The following MCUB variants were observed in gnomAD, a reference collection of about 807,000 sequenced individuals.
MCUB encodes the protein calcium uniporter regulatory subunit MCUb, mitochondrial.
Under a neutral mutation model 41.4 loss-of-function variants are expected in MCUB, and 46 were observed. That is an observed-to-expected ratio of 1.11 (90% confidence interval 0.88 to 1.42). The LOEUF (loss-of-function observed/expected upper bound fraction) is 1.42. Among genes scored for constraint, MCUB ranks in the 40% most tolerant of loss-of-function variants. MCUB has a pLI of 0.00. For missense variants in MCUB, 403 were observed against 404.9 expected, an observed-to-expected ratio of 1.00 and a Z score of 0.04; for synonymous variants, 148 against 148.2, an observed-to-expected ratio of 1.00 and a Z score of 0.01.
At chr4:109,600,471 A>G (rs1237619605) in intron 1 of MCUB, among the ~76,000 whole-genome samples, 2 of 152,082 alleles carry the variant, frequency 1.3e-5, no homozygotes, top group Admixed American at 6.6e-5. Flanking sequence ...CTGCTTTTCT[A>G]TTTTATTACA....
intron 1 of MCUB, among the ~76,000 whole-genome samples, chr4:109,623,854 T>C (rs1024168038): frequency 3.9e-5 from 6 of 152,272 alleles, no homozygotes; most frequent in Middle Eastern, 3.4e-3. Context: ...CAAGATCTTT[T>C]ATTTTTATTT....
At chr4:109,685,011 T>G in intron 6 of MCUB, 1 of 404,940 alleles carries the variant, frequency 2.5e-6, no homozygotes. Flanking sequence ...TTCTTCCTTC[T>G]TCTTTCCCAT....
chr4:109,646,866 T>C (rs182183340), intron 1 of MCUB, among the ~76,000 whole-genome samples: 1 of 152,342 alleles, frequency 6.6e-6, no homozygotes, highest in East Asian at 1.9e-4. Context: ...TTACCAACTA[T>C]GAAGCAAACA....
At chr4:109,570,217 T>C (rs889644232) in intron 1 of MCUB, among the ~76,000 whole-genome samples, 41 of 152,340 alleles carry the variant, frequency 2.7e-4, no homozygotes, top group African/African-American at 9.6e-4. Context: ...TTTTATGTAT[T>C]GAGCTTACCA....
intron 1 of MCUB, among the ~76,000 whole-genome samples, chr4:109,638,319 T>TG (rs1040172613): frequency 1.3e-5 from 2 of 151,788 alleles, no homozygotes; most frequent in African/African-American, 4.8e-5. Flanking sequence ...ATCATGCCAG[T>TG]GCACTCCAGC....
intron 6 of MCUB, chr4:109,685,002 T>C (rs1729805151): frequency 2.5e-6 from 1 of 398,280 alleles, no homozygotes; most frequent in Non-Finnish European, 4.4e-6. Flanking sequence ...TTTTCTTATT[T>C]CTTCCTTCTT....
intron 1 of MCUB, among the ~76,000 whole-genome samples, chr4:109,628,003 A>G (rs546287104): frequency 1.3e-5 from 2 of 152,172 alleles, no homozygotes; most frequent in Non-Finnish European, 2.9e-5. Context: ...CATATAAGTC[A>G]TTTGTTTTCA....
chr4:109,648,510 T>G lies in MCUB; in HGVS notation c.100-10501T>G, dbSNP rs1396334112. The stretch of plus-strand genomic sequence containing the variant: ...CATTTTGTGGATTAACTACTCGTCT[T>G]GGGCTGTCCAGACCAGAAGAAGAAA... On this transcript the variant is annotated intron_variant, in intron 1 of 7. Transcript: ENST00000394650. The G allele has an allele frequency of 2.2e-5, 8 of 363,076 alleles. No individual in the cohort carries two copies. In the Admixed American group the frequency reaches 3.4e-4, roughly 15 times the overall value. The allele number at this position is 363,076 out of a possible 1,614,324, so 22.5% of individuals were successfully genotyped here. A position where few individuals can be genotyped will look rare whatever the true frequency, so the allele number is the denominator to read the frequency against.
At chr4:109,631,253 C>T (rs1728468913) in intron 1 of MCUB, among the ~76,000 whole-genome samples, 1 of 152,156 alleles carries the variant, frequency 6.6e-6, no homozygotes, top group East Asian at 1.9e-4. Context: ...TACACACGGG[C>T]ACTTGATTTG....
intron 1 of MCUB, among the ~76,000 whole-genome samples, chr4:109,635,902 CTTTG>C (rs989473192): frequency 1.5e-4 from 21 of 142,716 alleles, no homozygotes; most frequent in African/African-American, 4.7e-4. Context: ...CAGCTCTAAA[CTTTG>C]TTTGTCTTTT....
chr4:109,627,460 A>G (rs550452457), intron 1 of MCUB, among the ~76,000 whole-genome samples: 43 of 152,226 alleles, frequency 2.8e-4, no homozygotes, highest in Non-Finnish European at 4.3e-4. Context: ...CTGTGCTCCC[A>G]TAGCAGTTTT....
intron 1 of MCUB, among the ~76,000 whole-genome samples, chr4:109,580,055 A>C (rs1727133294): frequency 6.6e-6 from 1 of 151,978 alleles, no homozygotes; most frequent in Non-Finnish European, 1.5e-5. Context: ...ACAGGCCCCA[A>C]GGTGTGGTGT....
intron 1 of MCUB, among the ~76,000 whole-genome samples, chr4:109,603,857 TGCCCGGCC>T (rs1178303740): frequency 1.3e-5 from 2 of 152,214 alleles, no homozygotes; most frequent in Admixed American, 6.5e-5. Flanking sequence ...GGAGCCTCTC[TGCCCGGCC>T]GCCACCCCGT....
chr4:109,653,469 C>G (rs1729009715), intron 1 of MCUB, among the ~76,000 whole-genome samples: 1 of 151,886 alleles, frequency 6.6e-6, no homozygotes, highest in South Asian at 2.1e-4. Flanking sequence ...GAATTAGTTG[C>G]TTTTTGTATT....
chr4:109,573,400 C>T (rs995045339), intron 1 of MCUB, among the ~76,000 whole-genome samples: 7 of 149,762 alleles, frequency 4.7e-5, no homozygotes, highest in African/African-American at 1.2e-4. Flanking sequence ...TTGCAATGAG[C>T]GGAGATCGCG....
chr4:109,652,587 C>G (rs6825095), intron 1 of MCUB, among the ~76,000 whole-genome samples: 106,958 of 152,000 alleles, frequency 0.7, 38,300 homozygotes, highest in African/African-American at 0.83. Flanking sequence ...GGGCAAGAGG[C>G]GGAGAGAGAA....
At chr4:109,673,943 T>C (rs1729515844) in intron 4 of MCUB, 2 of 794,890 alleles carry the variant, frequency 2.5e-6, no homozygotes, top group Non-Finnish European at 4.6e-6. Context: ...CCCATTGGAA[T>C]AGCAGGTTTT....
At chr4:109,595,935 TTC>T (rs1648099136) in intron 1 of MCUB, among the ~76,000 whole-genome samples, 1 of 146,686 alleles carries the variant, frequency 6.8e-6, no homozygotes, top group Admixed American at 6.8e-5. Flanking sequence ...TTCTGTAAAC[TTC>T]TGTTTTCCAC....
At chr4:109,598,105 C>T (rs1355695924) in intron 1 of MCUB, among the ~76,000 whole-genome samples, 1 of 148,576 alleles carries the variant, frequency 6.7e-6, no homozygotes, top group Non-Finnish European at 1.5e-5. Context: ...CTCCTCACTT[C>T]CCAGACTGGG....
Sources: gnomAD v4.1 joint callset for allele counts (sites outside exome capture counted in the v4.1 genomes callset) on GRCh38, gnomAD v4.1.1 for gene constraint, MANE v1.5 for transcripts, NCBI Gene and HGNC (gene_info 2026-07-23, HGNC 2026-07-21) for gene names.